FBXL14: variants seen among roughly 807,000 people sequenced by gnomAD.
The protein encoded by FBXL14 is F-box/LRR-repeat protein 14.
FBXL14 carries 11 observed loss-of-function variants against 24.5 expected under a neutral mutation model. The ratio of observed to expected loss-of-function variants is 0.45; its 90% CI spans 0.28 to 0.74. The LOEUF (loss-of-function observed/expected upper bound fraction) is 0.74, where lower values mean the gene tolerates loss of function less well. Ranked by LOEUF, FBXL14 falls within the 30% of genes least tolerant of loss-of-function variation. The pLI is 0.12. For synonymous variants in FBXL14, 294 were observed against 240.4 expected (o/e 1.22, Z -2.06); for missense variants, 384 against 545.6 (o/e 0.70, Z 2.95).
At chr12:1,566,892 C>T in intron 1 of FBXL14, 82 bp from the exon 2 acceptor site, 2 of 736,462 alleles carry the variant, frequency 2.7e-6, no homozygotes, top group South Asian at 1.5e-5. Context: ...CTCCCCTAAC[C>T]CCACCGCGGC....
At chr12:1,576,731 A>C (rs1198230393) in intron 1 of FBXL14, among the ~76,000 whole-genome samples, 1 of 152,198 alleles carries the variant, frequency 6.6e-6, no homozygotes, top group Non-Finnish European at 1.5e-5. Flanking sequence ...TCAAGAAAGC[A>C]GACCTCCATA....
At chr12:1,587,487 A>G (rs1174477365) in intron 1 of FBXL14, 1 of 152,170 alleles carries the variant, frequency 6.6e-6, no homozygotes, top group African/African-American at 2.4e-5. Context: ...ATACGACCAA[A>G]TATTCTGGGT....
chr12:1,573,667 A>G (rs1268252356), intron 1 of FBXL14, among the ~76,000 whole-genome samples: 2 of 152,218 alleles, frequency 1.3e-5, no homozygotes, highest in East Asian at 3.8e-4. Context: ...CAGAGAGGGA[A>G]GAACATTCTA....
rs113579490 is a variant in FBXL14 at position 1,573,423 on chromosome 12, C to T, written c.1195-6613G>A. Among the ~76,000 whole-genome samples the T allele has an allele frequency of 2.8e-3, 420 of 152,282 alleles. 1 individual carries two copies. The highest frequency in any genetic ancestry group is 4.4e-3 in the Non-Finnish European group (297 of 68,028). On this transcript the variant is annotated intron_variant, in intron 1 of 1. Transcript: ENST00000339235. ...GCCCCTATCACAGGACAGGGTGCCT[C>T]GTAGAAGCTCAGCACATACGTTCAA... is the stretch of plus-strand genomic sequence containing the variant.
intron 1 of FBXL14, among the ~76,000 whole-genome samples, chr12:1,586,916 T>A (rs1315114538): frequency 6.6e-6 from 1 of 152,234 alleles, no homozygotes; most frequent in Non-Finnish European, 1.5e-5. Flanking sequence ...GTAAGTTTTT[T>A]ATAAGGATAT....
At chr12:1,585,397 CA>C (rs34371174) in intron 1 of FBXL14, among the ~76,000 whole-genome samples, 4,145 of 93,760 alleles carry the variant, frequency 0.044, 131 homozygotes, top group African/African-American at 0.12. Context: ...GACTCCGTCT[CA>C]AAAAAAAAAA....
At chr12:1,581,474 T>C (rs1333191621) in intron 1 of FBXL14, among the ~76,000 whole-genome samples, 1 of 152,160 alleles carries the variant, frequency 6.6e-6, no homozygotes, top group Non-Finnish European at 1.5e-5. Flanking sequence ...GGATGGAGAA[T>C]GTTGAAGCCA....
chr12:1,591,417 T>C (rs2154438379), intron 1 of FBXL14, among the ~76,000 whole-genome samples: 1 of 152,118 alleles, frequency 6.6e-6, no homozygotes, highest in South Asian at 2.1e-4. Context: ...GTTTAACCTT[T>C]TACTGTAAGA....
chr12:1,590,038 A>C (rs2094485950), intron 1 of FBXL14, among the ~76,000 whole-genome samples: 1 of 152,204 alleles, frequency 6.6e-6, no homozygotes, highest in Non-Finnish European at 1.5e-5. Flanking sequence ...TGGAAGAAAA[A>C]CAGACTAAGA....
In FBXL14 at chr12:1,566,749, C is replaced by T; in HGVS notation, c.1256G>A (p.Ter419=). Reference sequence around the variant, plus strand: ...AACCATGTCGTTGTCCCCTCTCCCTCACCTTCTGGAGCTTCCCCGAGTTCT... The same window carrying T: ...AACCATGTCGTTGTCCCCTCTCCCTTACCTTCTGGAGCTTCCCCGAGTTCT... ...TVRTRGSSRR[*] The change falls in exon 2 of 2, where the codon TGA becomes TAA. Residue 419 remains the stop codon, a stop_retained_variant. Transcript: ENST00000339235. The T allele has an allele frequency of 2.6e-6, 2 of 781,008 alleles. No individual in the cohort carries two copies. The highest frequency in any genetic ancestry group is 1.3e-5 in the South Asian group (1 of 74,592). The allele number at this position is 781,008 out of a possible 1,614,324, so 48.4% of individuals were successfully genotyped here.
chr12:1,589,861 G>T (rs1224999834), intron 1 of FBXL14, among the ~76,000 whole-genome samples: 2 of 152,194 alleles, frequency 1.3e-5, no homozygotes, highest in Non-Finnish European at 2.9e-5. Context: ...CTTTAGTCAA[G>T]CGTATATTTA....
rs2094497816 is a variant in FBXL14 at position 1,594,544 on chromosome 12, G to A, written c.-478C>T. ...CGGGCGCACGGGCTCCGGGCGCGGA[G>A]GAGGCTTCCTGCTGCCTTTGTCTCT... On this transcript the variant is annotated 5_prime_UTR_variant, in exon 1 of 2. Transcript: ENST00000339235. Among the ~76,000 whole-genome samples the A allele has an allele frequency of 6.7e-6, 1 of 148,212 alleles. No individual in the cohort carries two copies. The highest frequency in any genetic ancestry group is 2.1e-4 in the South Asian group (1 of 4,816).
chr12:1,587,304 T>G (rs1483558734), intron 1 of FBXL14: 1 of 152,044 alleles, frequency 6.6e-6, no homozygotes, highest in Non-Finnish European at 1.5e-5. Context: ...AACTTAAGTC[T>G]TCTTTTTAAA....
At chr12:1,577,649 A>G (rs7297671) in intron 1 of FBXL14, among the ~76,000 whole-genome samples, 134,283 of 152,248 alleles carry the variant, frequency 0.88, 59,878 homozygotes, top group Non-Finnish European at 0.93. Context: ...GCCCGAGAGG[A>G]CGTTGAGGGC....
intron 1 of FBXL14, among the ~76,000 whole-genome samples, 173 bp downstream of exon 1, chr12:1,592,700 G>A (rs972804323): frequency 6.6e-6 from 1 of 152,234 alleles, no homozygotes; most frequent in Non-Finnish European, 1.5e-5. Context: ...GCTGGAAGCC[G>A]GGAGGGGGCT....
At chr12:1,588,311 A>G (rs562309749) in intron 1 of FBXL14, among the ~76,000 whole-genome samples, 1 of 152,344 alleles carries the variant, frequency 6.6e-6, no homozygotes, top group Non-Finnish European at 1.5e-5. Flanking sequence ...TAACCACTTC[A>G]GGAAAGCAGC....
intron 1 of FBXL14, among the ~76,000 whole-genome samples, chr12:1,576,545 C>T (rs558502261): frequency 3.9e-5 from 6 of 152,334 alleles, no homozygotes; most frequent in African/African-American, 1.4e-4. Flanking sequence ...TGGCTCCCTT[C>T]TGCGCCAAGA....
chr12:1,578,130 G>C (rs901228453), intron 1 of FBXL14, among the ~76,000 whole-genome samples: 3 of 152,004 alleles, frequency 2.0e-5, no homozygotes, highest in Admixed American at 6.6e-5. Context: ...TCTTTAATGG[G>C]AAAGCACACA....
chr12:1,576,788 G>T (rs1174207021), intron 1 of FBXL14, among the ~76,000 whole-genome samples: 1 of 152,184 alleles, frequency 6.6e-6, no homozygotes, highest in East Asian at 1.9e-4. Flanking sequence ...CTTGGCGGGG[G>T]ACTCGGCCTG....
Sources: gnomAD v4.1 joint callset for allele counts (sites outside exome capture counted in the v4.1 genomes callset) on GRCh38, gnomAD v4.1.1 for gene constraint, MANE v1.5 for transcripts, NCBI Gene and HGNC (gene_info 2026-07-23, HGNC 2026-07-21) for gene names.